GOLGA6L7: variants seen among roughly 807,000 people sequenced by gnomAD.
The protein encoded by GOLGA6L7 is golgin A6 family like 7.
A neutral mutation model predicts 68.9 loss-of-function variants in GOLGA6L7; 29 were observed. The observed-to-expected ratio is 0.42, with a 90% CI of 0.31 to 0.57. The LOEUF is 0.57. Ranked by LOEUF, GOLGA6L7 falls within the 20% of genes least tolerant of loss-of-function variation. GOLGA6L7 has a pLI of 0.13. For synonymous variants in GOLGA6L7, 133 were observed against 197.4 expected (o/e 0.67, Z 2.73); for missense variants, 396 against 588.4 (o/e 0.67, Z 3.38).
chr15:28,845,730 T>C lies in GOLGA6L7; in HGVS notation c.343A>G (p.Arg115Gly), dbSNP rs1229758237. 5 of 782,472 alleles carry C rather than the reference T, an allele frequency of 6.4e-6. No homozygotes were observed. In the East Asian group the frequency reaches 7.3e-5, roughly 11 times the overall value. The allele number at this position is 782,472 out of a possible 1,614,324, so 48.5% of individuals were successfully genotyped here. The change falls in exon 5 of 9, where the codon AGG becomes GGG. Residue 115 changes from arginine to glycine, a missense_variant. By Grantham distance (125) the Arg-to-Gly change is moderately radical. Transcript: ENST00000567390. ...TALHDSQDAA[R>G]KFEEDSKDLA... ...CCCAGATTCCCACCTTCAAATTTCC[T>C]GGCAGCATCCTGGCTGTCATGGAGC...
chr15:28,845,803 A>G lies in GOLGA6L7; in HGVS notation c.270T>C (p.Asp90=), dbSNP rs1323676363. The G allele has an allele frequency of 1.2e-6, 1 of 859,482 alleles. No individual in the cohort carries two copies. Among genetic ancestry groups the G allele is most frequent in the Admixed American group, 1.8e-5 (1 of 55,312 alleles). The allele number at this position is 859,482 out of a possible 1,614,324, so 53.2% of individuals were successfully genotyped here. A position where few individuals can be genotyped will look rare whatever the true frequency, so the allele number is the denominator to read the frequency against. ...GACACATAAGGATTCGTATGGTATGATCCTGGGCCTTTGGGAGACAAGAAA... is the reference window on the plus strand; with the variant it reads ...GACACATAAGGATTCGTATGGTATGGTCCTGGGCCTTTGGGAGACAAGAAA... The part of the protein sequence containing the change: ...QALRRQLEAQ[D]HTIRILMCQK... Residue 90 remains aspartate, a synonymous_variant, in exon 5 of 9, where the codon GAT becomes GAC. Coordinates refer to ENST00000567390, the MANE Select transcript of GOLGA6L7 (RefSeq NM_001365371.2).
intron 1 of GOLGA6L7, 59 bp downstream of exon 1, chr15:28,848,440 C>T: frequency 3.1e-6 from 2 of 647,700 alleles, no homozygotes; most frequent in Non-Finnish European, 5.7e-6. Context: ...GCTGTTCTGC[C>T]ATCAGAGGGG....
intron 1 of GOLGA6L7, among the ~76,000 whole-genome samples, chr15:28,848,089 G>A (rs2090072): frequency 2.0e-5 from 3 of 152,130 alleles, no homozygotes; most frequent in Non-Finnish European, 4.4e-5. Flanking sequence ...TTGGGGCAGC[G>A]GTAGGTGAGG....
rs576318065 is a variant in GOLGA6L7 at position 28,844,682 on chromosome 15, G to A, written c.463-419C>T. On this transcript the variant is annotated intron_variant, in intron 6 of 8. Transcript: ENST00000567390. ...TAGCTGGCTAACAGGGGCCCAGAGC[G>A]ATCAGATAATATTGTTATTGCTATT... 9.2e-5 allele frequency among the ~76,000 whole-genome samples: 14 copies of A among 152,118 alleles called. No individual in the cohort carries two copies. In the South Asian group the frequency reaches 1.2e-3, roughly 14 times the overall value.
At position 28,842,641 on chromosome 15, in the gene GOLGA6L7, T is replaced by G; in HGVS notation, c.1463A>C (p.Gln488Pro). The G allele has an allele frequency of 7.7e-7, 1 of 1,307,102 alleles. No homozygotes were observed. The highest frequency in any genetic ancestry group is 9.7e-7 in the Non-Finnish European group (1 of 1,034,664). The allele number at this position is 1,307,102 out of a possible 1,614,324, so 81.0% of individuals were successfully genotyped here. ...CACCTGCTTCCGCATCTGCTCCTCCTGCTCCCCCATCTGCTCCTCCTGCTC... is the reference window on the plus strand; with the variant it reads ...CACCTGCTTCCGCATCTGCTCCTCCGGCTCCCCCATCTGCTCCTCCTGCTC... ...MGEQEEQMGE[Q>P]EEQMRKQVER... Residue 488 changes from glutamine (Q) to proline (P), a missense_variant, in exon 9 of 9, where the codon CAG (glutamine) becomes CCG (proline). Physicochemically the swap from Gln to Pro is moderately conservative, Grantham distance 76. Coordinates refer to ENST00000567390, the MANE Select transcript of GOLGA6L7 (RefSeq NM_001365371.2).
chr15:28,848,116 G>T (rs1030920177), intron 1 of GOLGA6L7, among the ~76,000 whole-genome samples: 3 of 152,146 alleles, frequency 2.0e-5, no homozygotes, highest in African/African-American at 7.2e-5. Flanking sequence ...TATGGAGTGG[G>T]GAGCCCCAGG....
intron 6 of GOLGA6L7, chr15:28,845,136 AC>A (rs2030371855): frequency 2.9e-6 from 1 of 347,726 alleles, no homozygotes; most frequent in Admixed American, 4.7e-5. Flanking sequence ...ACACACACAC[AC>A]ACACACACAC....
chr15:28,845,155 C>G lies in GOLGA6L7; in HGVS notation c.462+374G>C, dbSNP rs898694207. ...ACACACACACACACACACACACACACACACACACACGTACATGTGTTCCCT... is the reference window on the plus strand; with the variant it reads ...ACACACACACACACACACACACACAGACACACACACGTACATGTGTTCCCT... On this transcript the variant is annotated intron_variant, in intron 6 of 8. Coordinates refer to ENST00000567390, the MANE Select transcript of GOLGA6L7 (RefSeq NM_001365371.2). The G allele has an allele frequency of 1.9e-3, 749 of 402,702 alleles. 1 individual carries two copies. Among genetic ancestry groups the G allele is most frequent in the Non-Finnish European group, 3.0e-3 (650 of 214,554 alleles). 24.9% of individuals were successfully genotyped at this position (402,702 alleles called of 1,614,324 possible).
chr15:28,847,798 C>T (rs1444122675), intron 1 of GOLGA6L7, among the ~76,000 whole-genome samples: 10 of 152,224 alleles, frequency 6.6e-5, no homozygotes, highest in Non-Finnish European at 1.5e-4. Context: ...GTCCAGTTTC[C>T]CAAGATCTCT....
rs531698091 is a variant in GOLGA6L7 at position 28,843,944 on chromosome 15, C to G, written c.522-69G>C. ...AAGGACCGCTTTGGTGATCGACCCTCTACCCTCGCCCCACAACCACAGAAC... is the reference window on the plus strand; with the variant it reads ...AAGGACCGCTTTGGTGATCGACCCTGTACCCTCGCCCCACAACCACAGAAC... On this transcript the variant is annotated intron_variant, in intron 7 of 8. Coordinates refer to ENST00000567390, the MANE Select transcript of GOLGA6L7 (RefSeq NM_001365371.2). 3.1e-4 allele frequency: 215 copies of G among 696,140 alleles called. No homozygotes were observed. In the African/African-American group the frequency reaches 3.4e-3, roughly 11 times the overall value. The allele number at this position is 696,140 out of a possible 1,614,324, so 43.1% of individuals were successfully genotyped here. A position where few individuals can be genotyped will look rare whatever the true frequency, so the allele number is the denominator to read the frequency against.
Position 28,843,714 on chromosome 15 carries a change from C to G in GOLGA6L7, c.663+20G>C. 1.5e-6 allele frequency: 1 copy of G among 647,856 alleles called. No homozygotes were observed. The highest frequency in any genetic ancestry group is 2.7e-6 in the Non-Finnish European group (1 of 364,506). The allele number at this position is 647,856 out of a possible 1,614,324, so 40.1% of individuals were successfully genotyped here. ...CCAGCCGGATGCGGCTCCCACACCC[C>G]CGGGGCTGCCGCCGCTCACCTGTGG... On this transcript the variant is annotated intron_variant, in intron 8 of 8. Coordinates refer to ENST00000567390, the MANE Select transcript of GOLGA6L7 (RefSeq NM_001365371.2).
At position 28,845,881 on chromosome 15, in the gene GOLGA6L7, CT is replaced by C; in HGVS notation, c.261+18del. 1 of 1,218,622 alleles carries C rather than the reference CT, an allele frequency of 8.2e-7. No homozygotes were observed. Among genetic ancestry groups the C allele is most frequent in the Admixed American group, 1.8e-5 (1 of 54,664 alleles). The allele number at this position is 1,218,622 out of a possible 1,614,324, so 75.5% of individuals were successfully genotyped here. A position where few individuals can be genotyped will look rare whatever the true frequency, so the allele number is the denominator to read the frequency against. ...ACCTTCTCCAGAGGACAGGAGGGAA[CT>C]TCACACCCTCCACTCACCTCTAGCT... On this transcript the variant is annotated intron_variant, in intron 4 of 8. Transcript: ENST00000567390.
Position 28,845,349 on chromosome 15 carries a change from C to T in GOLGA6L7, c.462+180G>A, listed in dbSNP as rs539384677. On this transcript the variant is annotated intron_variant, in intron 6 of 8. Transcript: ENST00000567390. The stretch of plus-strand genomic sequence containing the variant: ...GCTCGCTCCCCACAGCGCCCCGCAA[C>T]TCACCCACAGCAGCTGACTCAGCCC... The T allele has an allele frequency of 8.0e-3, 5,540 of 689,074 alleles. 201 individuals carry two copies. In the African/African-American group the frequency reaches 0.081, roughly 10 times the overall value. 42.7% of individuals were successfully genotyped at this position (689,074 alleles called of 1,614,324 possible). A position where few individuals can be genotyped will look rare whatever the true frequency, so the allele number is the denominator to read the frequency against.
chr15:28,843,546 G>A (rs1441139830), intron 8 of GOLGA6L7, 106 bp from the exon 9 acceptor site: 5 of 465,438 alleles, frequency 1.1e-5, no homozygotes, highest in Non-Finnish European at 1.8e-5. Context: ...TAACCCTGAG[G>A]TTCTGATTTC....
chr15:28,842,858 T>G lies in GOLGA6L7; in HGVS notation c.1246A>C (p.Arg416=), dbSNP rs145548818. The G allele has an allele frequency of 8.4e-5, 87 of 1,035,948 alleles. 1 individual carries two copies. In the African/African-American group the frequency reaches 1.7e-3, roughly 21 times the overall value. The allele number at this position is 1,035,948 out of a possible 1,614,324, so 64.2% of individuals were successfully genotyped here. The change falls in exon 9 of 9, where the codon AGG becomes CGG. Residue 416 remains arginine (R), a synonymous_variant. Transcript: ENST00000567390. ...KQEEQMGEQM[R]KQEEQMGEQE... is the part of the protein sequence containing the mutation. ...TCCCCCATCTGCTCCTCCTGCTTCC[T>G]CATCTGCTCCCCCATCTGCTCCTCC...
chr15:28,842,118 G>A lies in GOLGA6L7; in HGVS notation c.*117C>T, dbSNP rs531486580. 54 of 919,366 alleles carry A rather than the reference G, an allele frequency of 5.9e-5. 1 individual carries two copies. In the South Asian group the frequency reaches 1.6e-3, roughly 28 times the overall value. The allele number at this position is 919,366 out of a possible 1,614,324, so 57.0% of individuals were successfully genotyped here. A position where few individuals can be genotyped will look rare whatever the true frequency, so the allele number is the denominator to read the frequency against. On this transcript the variant is annotated 3_prime_UTR_variant, in exon 9 of 9. Transcript: ENST00000567390. ...ATTACAGGTGCAGGCCACCGTGCCC[G>A]GCCAGTATTTTGCCACAATTTAAAA... is the stretch of plus-strand genomic sequence containing the variant.
chr15:28,845,636 C>G lies in GOLGA6L7; in HGVS notation c.356-1G>C. ...CGGGCTGCCAGATCCTTGGAATCTT[C>G]TGGAATGAGAGAGGTTGAGCTGCAG... On this transcript the variant is annotated splice_acceptor_variant, in intron 5 of 8. Transcript: ENST00000567390. LOFTEE classifies it high-confidence loss of function. 1 of 745,412 alleles carries G rather than the reference C, an allele frequency of 1.3e-6. No individual in the cohort carries two copies. The highest frequency in any genetic ancestry group is 2.4e-6 in the Non-Finnish European group (1 of 417,806). 46.2% of individuals were successfully genotyped at this position (745,412 alleles called of 1,614,324 possible).
In GOLGA6L7 at chr15:28,842,276, A is replaced by G. The variant is rs2030214465; in HGVS notation, c.1828T>C (p.Tyr610His). 1.6e-6 allele frequency: 2 copies of G among 1,229,732 alleles called. No individual in the cohort carries two copies. The highest frequency in any genetic ancestry group is 4.2e-5 in the Admixed American group (1 of 23,690). 76.2% of individuals were successfully genotyped at this position (1,229,732 alleles called of 1,614,324 possible). A position where few individuals can be genotyped will look rare whatever the true frequency, so the allele number is the denominator to read the frequency against. ...TTGATCTTTTTCTTGTCTCCTCCGT[A>G]GAAGAATGGGATGCAGGAGGTGCTG... is the stretch of plus-strand genomic sequence containing the variant. ...LGSTSCIPFF[Y>H]GGDKKKIKII... The change falls in exon 9 of 9, where the codon TAC becomes CAC. Residue 610 changes from tyrosine to histidine, a missense_variant. Around this residue, in one of 5 missense-constraint regions of GOLGA6L7, gnomAD observed 125 missense variants for 163.3 expected, o/e 0.77. Transcript: ENST00000567390.
chr15:28,845,513 A>G lies in GOLGA6L7; in HGVS notation c.462+16T>C. 1.4e-6 allele frequency: 1 copy of G among 704,636 alleles called. No individual in the cohort carries two copies. The highest frequency in any genetic ancestry group is 1.5e-5 in the South Asian group (1 of 67,576). The allele number at this position is 704,636 out of a possible 1,614,324, so 43.6% of individuals were successfully genotyped here. On this transcript the variant is annotated intron_variant, in intron 6 of 8. Coordinates refer to ENST00000567390, the MANE Select transcript of GOLGA6L7 (RefSeq NM_001365371.2). Reference sequence around the variant, plus strand: ...AAGCTGGGCTCCCAGGGGACCGGGTAGGTGGTTGGACTCACCTTGTCCGCC... The same window carrying G: ...AAGCTGGGCTCCCAGGGGACCGGGTGGGTGGTTGGACTCACCTTGTCCGCC...
Sources: gnomAD v4.1 joint callset for allele counts (sites outside exome capture counted in the v4.1 genomes callset) on GRCh38, gnomAD v4.1.1 for gene constraint, gnomAD v4.1.1 regional missense constraint, MANE v1.5 for transcripts, NCBI Gene and HGNC (gene_info 2026-07-23, HGNC 2026-07-21) for gene names.